EPB41L2: variants seen among roughly 807,000 people sequenced by gnomAD.
EPB41L2 encodes the protein erythrocyte membrane protein band 4.1 like 2, also known as band 4.1-like protein 2.
Under a neutral mutation model 113.0 loss-of-function variants are expected in EPB41L2, and 43 were observed. The ratio of observed to expected loss-of-function variants is 0.38; its 90% CI spans 0.30 to 0.49. The LOEUF is 0.49. EPB41L2 is among the 20% of genes least tolerant of loss of function. EPB41L2 has a pLI of 0.95. For synonymous variants in EPB41L2, 442 were observed against 436.7 expected (o/e 1.01, Z -0.15); for missense variants, 1,147 against 1,223.4 (o/e 0.94, Z 0.93).
Position 131,021,806 on chromosome 6 carries a change from C to T in EPB41L2, c.-15+41349G>A, listed in dbSNP as rs149957818. 3.4e-4 allele frequency among the ~76,000 whole-genome samples: 52 copies of T among 152,226 alleles called. No individual in the cohort carries two copies. The East Asian group carries it at 9.3e-3, about 27-fold the overall frequency. On this transcript the variant is annotated intron_variant, in intron 1 of 19. Coordinates refer to ENST00000337057, the MANE Select transcript of EPB41L2 (RefSeq NM_001431.4). Reference sequence around the variant, plus strand: ...TCTTACTCCCATTTTATAGATGAAACTAAGGCACCTAGTTGGTAAGGACGA... The same window carrying T: ...TCTTACTCCCATTTTATAGATGAAATTAAGGCACCTAGTTGGTAAGGACGA...
At chr6:130,939,612 C>A (rs982879820) in intron 3 of EPB41L2, among the ~76,000 whole-genome samples, 2 of 152,008 alleles carry the variant, frequency 1.3e-5, no homozygotes, top group African/African-American at 2.4e-5. Context: ...CTAGGACCCA[C>A]CCCCCAATTA....
At chr6:130,935,469 T>A (rs1398354897) in intron 3 of EPB41L2, among the ~76,000 whole-genome samples, 1 of 152,140 alleles carries the variant, frequency 6.6e-6, no homozygotes, top group Non-Finnish European at 1.5e-5. Flanking sequence ...ATATAATTAA[T>A]CTCATAAGCA....
At chr6:131,061,355 C>G (rs1316008579) in intron 1 of EPB41L2, among the ~76,000 whole-genome samples, 1 of 152,166 alleles carries the variant, frequency 6.6e-6, no homozygotes, top group Admixed American at 6.5e-5. Context: ...GTACAGTTCT[C>G]CAATAACCTC....
chr6:130,949,854 C>T (rs1247169461), intron 3 of EPB41L2, among the ~76,000 whole-genome samples: 1 of 151,786 alleles, frequency 6.6e-6, no homozygotes, highest in African/African-American at 2.4e-5. Context: ...AATGATAATC[C>T]ACTTCCACTT....
chr6:130,930,607 C>A (rs2128560605), intron 3 of EPB41L2, among the ~76,000 whole-genome samples: 1 of 152,134 alleles, frequency 6.6e-6, no homozygotes, highest in South Asian at 2.1e-4. Flanking sequence ...TTCAAAAATG[C>A]CAAAAGATAA....
chr6:130,899,648 T>C (rs1159016228), intron 7 of EPB41L2, 70 bp from the exon 8 acceptor site: 3 of 1,423,306 alleles, frequency 2.1e-6, no homozygotes, highest in African/African-American at 2.8e-5. Context: ...ATGGGAGGAG[T>C]GTCTGTGCTC....
At chr6:131,042,937 T>G (rs1794728067) in intron 1 of EPB41L2, among the ~76,000 whole-genome samples, 1 of 152,172 alleles carries the variant, frequency 6.6e-6, no homozygotes, top group South Asian at 2.1e-4. Context: ...CTTCCCAAAT[T>G]TCTAAGTGGT....
chr6:130,869,811 C>T lies in EPB41L2; in HGVS notation c.2359G>A (p.Val787Ile). 1 of 1,614,014 alleles carries T rather than the reference C, an allele frequency of 6.2e-7. No homozygotes were observed. The highest frequency in any genetic ancestry group is 8.5e-7 in the Non-Finnish European group (1 of 1,180,018). ...VEEEPRPAAKVVEREEAVPEA... is the reference protein window; with the variant it reads ...VEEEPRPAAKIVEREEAVPEA... ...GGCACTGCTTCCTCCCTCTCTACTA[C>T]CTTGGCTGCCGGGCGGGGTTCTTCC... Residue 787 changes from valine to isoleucine, a missense_variant, in exon 15 of 20, where the codon GTA becomes ATA. Val to Ile is a conservative substitution (Grantham distance 29, BLOSUM62 3). Coordinates refer to ENST00000337057, the MANE Select transcript of EPB41L2 (RefSeq NM_001431.4).
intron 14 of EPB41L2, among the ~76,000 whole-genome samples, chr6:130,874,864 T>C (rs1786990162): frequency 6.6e-6 from 1 of 152,168 alleles, no homozygotes. Flanking sequence ...AATGTCAAAG[T>C]TTCCTACTGC....
intron 1 of EPB41L2, among the ~76,000 whole-genome samples, chr6:131,051,466 A>AAAAC (rs1491328867): frequency 6.5e-5 from 9 of 138,982 alleles, no homozygotes; most frequent in Non-Finnish European, 1.2e-4. Flanking sequence ...AAAAAAAAAA[A>AAAAC]CACACACACA....
chr6:130,969,810 A>G (rs538364331), intron 1 of EPB41L2, among the ~76,000 whole-genome samples: 4 of 152,176 alleles, frequency 2.6e-5, no homozygotes, highest in Non-Finnish European at 5.9e-5. Flanking sequence ...TTAACCTTAC[A>G]TAGTCCTCAC....
At chr6:130,910,594 T>C (rs1799065163) in intron 4 of EPB41L2, among the ~76,000 whole-genome samples, 1 of 152,174 alleles carries the variant, frequency 6.6e-6, no homozygotes, top group Non-Finnish European at 1.5e-5. Context: ...ACAGGTAACC[T>C]ACAGAATGGG....
rs969584530 is a variant in EPB41L2, at chr6:131,027,606, G to A, written c.-15+35549C>T. ...CAGCCAATGATTAATAGTGGCACCA[G>A]GAGCCAACCGTCATAGCAATAGGGC... On this transcript the variant is annotated intron_variant, in intron 1 of 19. Transcript: ENST00000337057. 2.0e-5 allele frequency among the ~76,000 whole-genome samples: 3 copies of A among 152,274 alleles called. No homozygotes were observed. In the East Asian group the frequency reaches 5.8e-4, roughly 29 times the overall value.
Position 130,885,239 on chromosome 6 carries a change from T to C in EPB41L2, c.1690A>G (p.Met564Val), listed in dbSNP as rs773519589. The C allele has an allele frequency of 1.2e-6, 2 of 1,614,098 alleles. No individual in the cohort carries two copies. Among genetic ancestry groups the C allele is most frequent in the South Asian group, 2.2e-5 (2 of 91,086 alleles). ...CCAGCAGCGCCAGGAAAATCCTTCATAAGACTTTGGTCCATGACACCAATC... is the reference window on the plus strand; with the variant it reads ...CCAGCAGCGCCAGGAAAATCCTTCACAAGACTTTGGTCCATGACACCAATC... ...APIGVMDQSL[M>V]KDFPGAAGEI... is the part of the protein sequence containing the mutation. The change falls in exon 12 of 20, where the codon ATG (methionine) becomes GTG (valine). Residue 564 changes from methionine to valine, a missense_variant. By Grantham distance (21) the Met-to-Val change is conservative. Coordinates refer to ENST00000337057, the MANE Select transcript of EPB41L2 (RefSeq NM_001431.4).
intron 1 of EPB41L2, among the ~76,000 whole-genome samples, chr6:131,045,479 T>C (rs1795279762): frequency 6.6e-6 from 1 of 150,562 alleles, no homozygotes. Context: ...ATAGGTAAAG[T>C]CTTGGGTGAT....
At chr6:130,913,021 C>A (rs1273997271) in intron 4 of EPB41L2, among the ~76,000 whole-genome samples, 1 of 152,144 alleles carries the variant, frequency 6.6e-6, no homozygotes, top group Admixed American at 6.5e-5. Context: ...TACAGAAGAG[C>A]AACAAAGGAC....
chr6:130,855,146 T>G (rs12661809), intron 19 of EPB41L2, among the ~76,000 whole-genome samples: 7,261 of 151,418 alleles, frequency 0.048, 239 homozygotes, highest in East Asian at 0.12. Context: ...AACAGGAGTT[T>G]AAGACCAGCC....
At chr6:130,917,640 C>A (rs1801551655) in intron 4 of EPB41L2, among the ~76,000 whole-genome samples, 1 of 152,154 alleles carries the variant, frequency 6.6e-6, no homozygotes, top group African/African-American at 2.4e-5. Context: ...TGGAGCTGAG[C>A]CCAATCTCTC....
At chr6:130,897,262 A>G (rs1426897801) in intron 8 of EPB41L2, among the ~76,000 whole-genome samples, 1 of 152,226 alleles carries the variant, frequency 6.6e-6, no homozygotes, top group Admixed American at 6.5e-5. Context: ...TGAAAAATAA[A>G]GACACAAAAC....
Sources: allele counts gnomAD v4.1 joint callset (sites outside exome capture counted in the v4.1 genomes callset), GRCh38; gene constraint gnomAD v4.1.1; transcripts MANE v1.5; gene names NCBI Gene and HGNC (gene_info 2026-07-23, HGNC 2026-07-21).